RAD51B: variants seen among roughly 807,000 people sequenced by gnomAD.
The protein encoded by RAD51B is DNA repair protein RAD51 homolog 2.
Under a neutral mutation model 42.2 loss-of-function variants are expected in RAD51B, and 38 were observed. The observed-to-expected ratio is 0.90, with a 90% CI of 0.70 to 1.18. The LOEUF (loss-of-function observed/expected upper bound fraction) is 1.18. RAD51B is among the 50% of genes most tolerant of loss of function. The pLI, the probability that RAD51B is intolerant of heterozygous loss-of-function variation, is 0.00. For missense variants in RAD51B, 373 were observed against 400.7 expected, an observed-to-expected ratio of 0.93 and a Z score of 0.59; for synonymous variants, 154 against 145.2, an observed-to-expected ratio of 1.06 and a Z score of -0.43.
At chr14:68,037,099 CT>C (rs2076138752) in intron 7 of RAD51B, among the ~76,000 whole-genome samples, 1 of 4,790 alleles carries the variant, frequency 2.1e-4, no homozygotes, top group Non-Finnish European at 4.8e-4. Flanking sequence ...TCTCCTTTCC[CT>C]CCCCTCCCCT....
intron 5 of RAD51B, among the ~76,000 whole-genome samples, chr14:67,877,110 A>G (rs2042752481): frequency 6.6e-6 from 1 of 152,002 alleles, no homozygotes; most frequent in Admixed American, 6.6e-5. Context: ...TTTTTTTTAC[A>G]GTAATAAATA....
chr14:68,130,882 G>GT (rs1431278584), intron 7 of RAD51B, among the ~76,000 whole-genome samples: 27 of 152,040 alleles, frequency 1.8e-4, no homozygotes, highest in Non-Finnish European at 3.2e-4. Context: ...TTGTGTGTGT[G>GT]GGTGTGTGTT....
chr14:68,245,125 G>A (rs577535840), intron 7 of RAD51B, among the ~76,000 whole-genome samples: 1 of 152,224 alleles, frequency 6.6e-6, no homozygotes, highest in East Asian at 1.9e-4. Context: ...CCCTGTCCTC[G>A]TCCTAGGAGT....
At chr14:68,067,476 A>C (rs202089202) in intron 7 of RAD51B, among the ~76,000 whole-genome samples, 2,618 of 137,008 alleles carry the variant, frequency 0.019, 33 homozygotes, top group African/African-American at 0.052. Context: ...AAAAAAAAAA[A>C]CAAAAAAAAA....
chr14:68,534,185 G>C (rs1025839188), intron 10 of RAD51B, among the ~76,000 whole-genome samples: 24 of 152,214 alleles, frequency 1.6e-4, no homozygotes, highest in African/African-American at 5.8e-4. Context: ...TTGAAAGGTG[G>C]TGATGACAAG....
intron 8 of RAD51B, among the ~76,000 whole-genome samples, chr14:68,310,951 C>T (rs1352047926): frequency 2.0e-5 from 3 of 152,148 alleles, no homozygotes; most frequent in Non-Finnish European, 4.4e-5. Flanking sequence ...CCCATTTTCC[C>T]AACCCCACAC....
intron 7 of RAD51B, among the ~76,000 whole-genome samples, chr14:68,099,333 A>G (rs1019055144): frequency 1.3e-5 from 2 of 152,234 alleles, no homozygotes; most frequent in African/African-American, 4.8e-5. Flanking sequence ...CCTAGGTTAT[A>G]GATGTCTGTG....
intron 5 of RAD51B, among the ~76,000 whole-genome samples, chr14:67,872,713 A>C (rs1167459779): frequency 1.3e-5 from 2 of 151,582 alleles, no homozygotes; most frequent in Non-Finnish European, 3.0e-5. Flanking sequence ...AGTAACCAAA[A>C]CAGCATGGTA....
chr14:67,917,729 C>T (rs995140180), intron 7 of RAD51B, among the ~76,000 whole-genome samples: 1 of 152,080 alleles, frequency 6.6e-6, no homozygotes, highest in Non-Finnish European at 1.5e-5. Context: ...GTTTTTGGCT[C>T]AGGAACTGAA....
At chr14:68,395,090 G>A (rs2083875797) in intron 8 of RAD51B, among the ~76,000 whole-genome samples, 1 of 151,986 alleles carries the variant, frequency 6.6e-6, no homozygotes, top group Non-Finnish European at 1.5e-5. Flanking sequence ...CATTCTCCAC[G>A]GCCATCTGTT....
intron 9 of RAD51B, among the ~76,000 whole-genome samples, chr14:68,431,314 TC>T (rs2084998602): frequency 6.6e-6 from 1 of 152,258 alleles, no homozygotes; most frequent in Admixed American, 6.5e-5. Context: ...TGGAATAGTT[TC>T]AGAAGGAATG....
intron 7 of RAD51B, among the ~76,000 whole-genome samples, chr14:68,004,613 GTATT>G (rs2075549977): frequency 6.6e-6 from 1 of 152,088 alleles, no homozygotes; most frequent in Non-Finnish European, 1.5e-5. Context: ...GAAATATAAT[GTATT>G]TATGGGAAAA....
chr14:67,976,065 T>C (rs2140260896), intron 7 of RAD51B, among the ~76,000 whole-genome samples: 1 of 152,210 alleles, frequency 6.6e-6, no homozygotes, highest in South Asian at 2.1e-4. Flanking sequence ...GTTTGGACTT[T>C]TCTGGCCCAC....
chr14:67,889,047 G>A (rs1325753078), intron 7 of RAD51B, among the ~76,000 whole-genome samples: 1 of 152,084 alleles, frequency 6.6e-6, no homozygotes, highest in Non-Finnish European at 1.5e-5. Flanking sequence ...AAGTGAGAAA[G>A]GGGCACTGCT....
intron 8 of RAD51B, among the ~76,000 whole-genome samples, chr14:68,343,048 C>A (rs1456716826): frequency 4.6e-5 from 7 of 151,494 alleles, no homozygotes; most frequent in Non-Finnish European, 7.4e-5. Flanking sequence ...TTTATGGGCA[C>A]AATGTAATGT....
chr14:68,484,578 T>C (rs1361367781), intron 10 of RAD51B, among the ~76,000 whole-genome samples: 5 of 152,048 alleles, frequency 3.3e-5, no homozygotes, highest in East Asian at 3.9e-4. Context: ...AGGACGGTCT[T>C]GATCTCCTGA....
intron 10 of RAD51B, among the ~76,000 whole-genome samples, chr14:68,632,174 G>A (rs545554255): frequency 6.6e-6 from 1 of 152,088 alleles, no homozygotes; most frequent in South Asian, 2.1e-4. Context: ...CTTTGCCTCC[G>A]AGGCCCCCTC....
chr14:68,438,485 G>A (rs756333705), intron 9 of RAD51B, among the ~76,000 whole-genome samples: 8 of 152,164 alleles, frequency 5.3e-5, no homozygotes, highest in Non-Finnish European at 8.8e-5. Flanking sequence ...TCCTGCTTAC[G>A]TGGACAGTGT....
chr14:68,020,291 C>T (rs985225067), intron 7 of RAD51B, among the ~76,000 whole-genome samples: 2 of 151,718 alleles, frequency 1.3e-5, no homozygotes, highest in Admixed American at 6.6e-5. Context: ...TTATATTTTT[C>T]GTAGAGCCCA....
Sources: gnomAD v4.1 joint callset for allele counts (sites outside exome capture counted in the v4.1 genomes callset) on GRCh38, gnomAD v4.1.1 for gene constraint, MANE v1.5 for transcripts, NCBI Gene and HGNC (gene_info 2026-07-23, HGNC 2026-07-21) for gene names.